Variants in ANGPT1 observed in about 807,000 individuals in gnomAD.
The protein encoded by ANGPT1 is angiopoietin 1.
In ANGPT1, 17 loss-of-function variants were observed where a neutral mutation model predicts 62.2. The ratio of observed to expected loss-of-function variants is 0.27; its 90% confidence interval spans 0.19 to 0.41. The LOEUF is 0.41. Among genes scored for constraint, ANGPT1 ranks in the 10% least tolerant of loss-of-function variants. The probability of loss-of-function intolerance (pLI) is 1.00; values close to 1 mark genes in which losing one functional copy is unlikely to be tolerated. For synonymous variants in ANGPT1, 199 were observed against 198.9 expected, an observed-to-expected ratio of 1.00 and a Z score of 0.00; for missense variants, 478 against 594.9, an observed-to-expected ratio of 0.80 and a Z score of 2.04.
At chr8:107,453,335 T>C (rs1185499144) in intron 1 of ANGPT1, among the ~76,000 whole-genome samples, 1 of 152,034 alleles carries the variant, frequency 6.6e-6, no homozygotes, top group Admixed American at 6.6e-5. Context: ...GAGACATACC[T>C]GAGACTGGAC....
At chr8:107,404,016 C>A (rs1273642081) in intron 1 of ANGPT1, among the ~76,000 whole-genome samples, 1 of 152,114 alleles carries the variant, frequency 6.6e-6, no homozygotes, top group Non-Finnish European at 1.5e-5. Context: ...GCTGTTGCAA[C>A]TTAATATATT....
At chr8:107,335,363 C>A (rs965916534) in intron 3 of ANGPT1, among the ~76,000 whole-genome samples, 2 of 152,192 alleles carry the variant, frequency 1.3e-5, no homozygotes, top group South Asian at 4.1e-4. Flanking sequence ...AGGAACTGAA[C>A]CTTCTTCAAG....
At chr8:107,496,538 T>C (rs1813102276) in intron 1 of ANGPT1, among the ~76,000 whole-genome samples, 1 of 152,214 alleles carries the variant, frequency 6.6e-6, no homozygotes, top group Non-Finnish European at 1.5e-5. Context: ...GTAGACTACA[T>C]GCTGCGTTCA....
At chr8:107,353,884 T>C (rs1196243822) in intron 1 of ANGPT1, among the ~76,000 whole-genome samples, 2 of 152,060 alleles carry the variant, frequency 1.3e-5, no homozygotes, top group African/African-American at 4.8e-5. Flanking sequence ...TCTTTCTGCT[T>C]GATAGGGAGA....
At chr8:107,277,221 C>G (rs889184453) in intron 7 of ANGPT1, among the ~76,000 whole-genome samples, 2 of 151,926 alleles carry the variant, frequency 1.3e-5, no homozygotes, top group African/African-American at 4.8e-5. Context: ...GCATAAAAGA[C>G]AACAAAATAA....
chr8:107,474,281 T>C (rs1030179410), intron 1 of ANGPT1, among the ~76,000 whole-genome samples: 1 of 152,118 alleles, frequency 6.6e-6, no homozygotes, highest in African/African-American at 2.4e-5. Flanking sequence ...TGGTTCAACA[T>C]ATGCAAATCA....
chr8:107,276,471 T>C (rs1194568752), intron 7 of ANGPT1, among the ~76,000 whole-genome samples: 2 of 151,986 alleles, frequency 1.3e-5, no homozygotes, highest in South Asian at 4.1e-4. Context: ...ATAAGAAACA[T>C]TTCACTGAAA....
At chr8:107,396,151 T>C (rs1248582065) in intron 1 of ANGPT1, among the ~76,000 whole-genome samples, 1 of 152,202 alleles carries the variant, frequency 6.6e-6, no homozygotes, top group South Asian at 2.1e-4. Context: ...CCTTATCAAC[T>C]AGTAGCTAAG....
intron 1 of ANGPT1, among the ~76,000 whole-genome samples, chr8:107,490,577 C>T (rs1013691226): frequency 2.0e-5 from 3 of 152,172 alleles, no homozygotes; most frequent in African/African-American, 7.2e-5. Context: ...TCCTGGAGGG[C>T]GATCTTTTTC....
chr8:107,312,815 G>C (rs148150224), intron 4 of ANGPT1, among the ~76,000 whole-genome samples: 1 of 152,094 alleles, frequency 6.6e-6, no homozygotes, highest in African/African-American at 2.4e-5. Flanking sequence ...AGCAGAGCTG[G>C]GACTAGAACA....
At chr8:107,398,251 GA>G (rs1816974762) in intron 1 of ANGPT1, among the ~76,000 whole-genome samples, 1 of 152,118 alleles carries the variant, frequency 6.6e-6, no homozygotes, top group Non-Finnish European at 1.5e-5. Context: ...GTAAGTTTTA[GA>G]ATAGTTTTTG....
intron 1 of ANGPT1, among the ~76,000 whole-genome samples, chr8:107,400,448 C>T (rs545134218): frequency 1.3e-5 from 2 of 152,264 alleles, no homozygotes; most frequent in African/African-American, 4.8e-5. Context: ...AGGCATCAAG[C>T]GTCACTGTCC....
At chr8:107,390,534 C>T (rs1164734559) in intron 1 of ANGPT1, among the ~76,000 whole-genome samples, 1 of 152,028 alleles carries the variant, frequency 6.6e-6, no homozygotes, top group African/African-American at 2.4e-5. Context: ...CAAAATCATA[C>T]GTGGGATTAA....
chr8:107,382,584 A>G (rs1816660691), intron 1 of ANGPT1, among the ~76,000 whole-genome samples: 1 of 152,158 alleles, frequency 6.6e-6, no homozygotes, highest in South Asian at 2.1e-4. Flanking sequence ...CCATGGCATA[A>G]ATACTTCCCA....
intron 3 of ANGPT1, among the ~76,000 whole-genome samples, chr8:107,335,480 C>T (rs944528536): frequency 1.3e-5 from 2 of 152,190 alleles, no homozygotes; most frequent in African/African-American, 4.8e-5. Context: ...CAAAATAATA[C>T]ACTCTTTCAT....
At chr8:107,438,630 A>C (rs919971066) in intron 1 of ANGPT1, among the ~76,000 whole-genome samples, 3 of 152,166 alleles carry the variant, frequency 2.0e-5, no homozygotes, top group Admixed American at 6.5e-5. Context: ...GCTTATCTTT[A>C]CTATTTATAT....
chr8:107,448,788 A>C (rs932708364), intron 1 of ANGPT1, among the ~76,000 whole-genome samples: 1 of 152,196 alleles, frequency 6.6e-6, no homozygotes, highest in East Asian at 1.9e-4. Flanking sequence ...CGAGAACCCA[A>C]AAAGAATCCC....
At chr8:107,420,728 A>G (rs1178613182) in intron 1 of ANGPT1, among the ~76,000 whole-genome samples, 1 of 152,180 alleles carries the variant, frequency 6.6e-6, no homozygotes, top group African/African-American at 2.4e-5. Flanking sequence ...GATGAATCAC[A>G]AGATATTGAG....
intron 1 of ANGPT1, among the ~76,000 whole-genome samples, chr8:107,380,629 AT>A (rs1816618625): frequency 6.6e-6 from 1 of 152,094 alleles, no homozygotes; most frequent in Non-Finnish European, 1.5e-5. Context: ...TAAGAATATT[AT>A]TGTTTCAACC....
Sources: gnomAD v4.1 joint callset for allele counts (sites outside exome capture counted in the v4.1 genomes callset) on GRCh38, gnomAD v4.1.1 for gene constraint, MANE v1.5 for transcripts, NCBI Gene and HGNC (gene_info 2026-07-23, HGNC 2026-07-21) for gene names.